The following RALYL variants were observed in gnomAD, a reference collection of about 807,000 sequenced individuals.
The protein encoded by RALYL is RALY RNA binding protein like.
In RALYL, 29 loss-of-function variants were observed where a neutral mutation model predicts 35.1. The ratio of observed to expected loss-of-function variants is 0.83; its 90% CI spans 0.61 to 1.13. The LOEUF is 1.13. RALYL is among the 50% of genes most tolerant of loss of function. The pLI is 0.00. For missense variants in RALYL, 359 were observed against 360.4 expected (o/e 1.00, Z 0.03); for synonymous variants, 120 against 127.6 (o/e 0.94, Z 0.40).
In RALYL at chr8:84,278,122, A is replaced by G. The variant is rs536596565; in HGVS notation, c.-24+93698A>G. Among the ~76,000 whole-genome samples the G allele has an allele frequency of 3.9e-5, 6 of 152,340 alleles. No individual in the cohort carries two copies. In the South Asian group the frequency reaches 1.2e-3, roughly 32 times the overall value. On this transcript the variant is annotated intron_variant, in intron 1 of 8. Coordinates refer to ENST00000521268, the MANE Select transcript of RALYL (RefSeq NM_173848.7). Reference sequence around the variant, plus strand: ...CTGCAGCAAACTTCTGCCTAGACATACAGGAGTTTCCATACATCCTCTGAA... The same window carrying G: ...CTGCAGCAAACTTCTGCCTAGACATGCAGGAGTTTCCATACATCCTCTGAA...
At chr8:84,314,310 A>C (rs1194630393) in intron 1 of RALYL, among the ~76,000 whole-genome samples, 1 of 152,148 alleles carries the variant, frequency 6.6e-6, no homozygotes, top group Non-Finnish European at 1.5e-5. Context: ...CACCATATCA[A>C]TAAGGAAAAA....
chr8:84,288,543 T>A (rs1369419706), intron 1 of RALYL, among the ~76,000 whole-genome samples: 2 of 152,208 alleles, frequency 1.3e-5, no homozygotes, highest in African/African-American at 4.8e-5. Context: ...GTATCTTTTT[T>A]CTGCATTTTT....
intron 1 of RALYL, among the ~76,000 whole-genome samples, chr8:84,527,292 C>A (rs2058972320): frequency 6.6e-6 from 1 of 152,162 alleles, no homozygotes; most frequent in Non-Finnish European, 1.5e-5. Context: ...TCCAAGATAG[C>A]ATGTTGACAT....
intron 1 of RALYL, among the ~76,000 whole-genome samples, chr8:84,328,431 C>T (rs966654385): frequency 2.6e-5 from 4 of 152,158 alleles, no homozygotes; most frequent in Admixed American, 2.0e-4. Context: ...CTGCCTGCTG[C>T]ATTACCTTTG....
At chr8:84,455,120 G>C (rs1007354123) in intron 1 of RALYL, among the ~76,000 whole-genome samples, 1 of 152,028 alleles carries the variant, frequency 6.6e-6, no homozygotes, top group Non-Finnish European at 1.5e-5. Flanking sequence ...TTGGGGAACA[G>C]TTCTGAAGTA....
intron 1 of RALYL, among the ~76,000 whole-genome samples, chr8:84,337,204 C>A (rs1420415918): frequency 6.6e-6 from 1 of 151,740 alleles, no homozygotes; most frequent in Non-Finnish European, 1.5e-5. Context: ...ATATTTGATT[C>A]ATTTCAGTAT....
chr8:84,356,900 AGAG>A (rs1326204501), intron 1 of RALYL, among the ~76,000 whole-genome samples: 468 of 151,996 alleles, frequency 3.1e-3, no homozygotes, highest in African/African-American at 9.3e-3. Context: ...ATAGAATAAT[AGAG>A]TAAATAGTGT....
intron 1 of RALYL, among the ~76,000 whole-genome samples, chr8:84,433,468 C>A (rs964021652): frequency 1.3e-5 from 2 of 152,040 alleles, no homozygotes; most frequent in Non-Finnish European, 2.9e-5. Context: ...TGTCCCCACC[C>A]AAATCTCAAC....
At chr8:84,757,424 G>A (rs554871141) in intron 2 of RALYL, among the ~76,000 whole-genome samples, 22 of 152,164 alleles carry the variant, frequency 1.4e-4, no homozygotes, top group African/African-American at 5.3e-4. Context: ...CAAATTCTTG[G>A]GAAAAAACTG....
chr8:84,423,483 T>A (rs1204157952), intron 1 of RALYL, among the ~76,000 whole-genome samples: 3 of 152,150 alleles, frequency 2.0e-5, no homozygotes. Context: ...AGCACACTGA[T>A]GGATCTTGAC....
At chr8:84,861,012 A>C (rs1837992350) in intron 5 of RALYL, among the ~76,000 whole-genome samples, 1 of 152,078 alleles carries the variant, frequency 6.6e-6, no homozygotes, top group African/African-American at 2.4e-5. Flanking sequence ...TCACATTTTC[A>C]TCTGTATGTA....
At chr8:84,550,651 TATAAC>T (rs2060654326) in intron 2 of RALYL, among the ~76,000 whole-genome samples, 1 of 151,740 alleles carries the variant, frequency 6.6e-6, no homozygotes, top group African/African-American at 2.4e-5. Context: ...AGGCTTATAT[TATAAC>T]AGAAATATGT....
At chr8:84,913,040 G>GTAGGTAGGTAGGTAGATAGA (rs372305617) in intron 8 of RALYL, among the ~76,000 whole-genome samples, 85 of 130,136 alleles carry the variant, frequency 6.5e-4, no homozygotes, top group East Asian at 3.6e-3. Context: ...GGATAGGTAG[G>GTAGGTAGGTAGGTAGATAGA]TAGATAGATA....
At chr8:84,334,196 C>A (rs1044736732) in intron 1 of RALYL, among the ~76,000 whole-genome samples, 1 of 152,086 alleles carries the variant, frequency 6.6e-6, no homozygotes, top group Admixed American at 6.6e-5. Context: ...GTTTTAATAC[C>A]AGGCCGTCTT....
At chr8:84,259,505 A>G (rs1831802554) in intron 1 of RALYL, among the ~76,000 whole-genome samples, 1 of 152,326 alleles carries the variant, frequency 6.6e-6, no homozygotes, top group Non-Finnish European at 1.5e-5. Context: ...CGACTTGAAC[A>G]GGGATACTCA....
At chr8:84,683,231 T>C (rs538701610) in intron 2 of RALYL, among the ~76,000 whole-genome samples, 2 of 152,332 alleles carry the variant, frequency 1.3e-5, no homozygotes, top group Non-Finnish European at 2.9e-5. Flanking sequence ...TTCTGTTCTT[T>C]TGCATTTGCT....
chr8:84,444,315 C>T (rs1563941906), intron 1 of RALYL, among the ~76,000 whole-genome samples: 2 of 151,818 alleles, frequency 1.3e-5, no homozygotes, highest in Non-Finnish European at 2.9e-5. Context: ...AGCAACAGAG[C>T]AAGAGCCTGT....
chr8:84,637,875 G>A (rs1825407218), intron 2 of RALYL, among the ~76,000 whole-genome samples: 1 of 151,862 alleles, frequency 6.6e-6, no homozygotes, highest in South Asian at 2.1e-4. Context: ...TTAAATAAAT[G>A]TGCATGGTTT....
intron 4 of RALYL, among the ~76,000 whole-genome samples, chr8:84,843,896 G>A (rs1833997727): frequency 6.6e-6 from 1 of 152,172 alleles, no homozygotes; most frequent in South Asian, 2.1e-4. Flanking sequence ...AAATGGTGCT[G>A]GGAAAACTGG....
Sources: allele counts gnomAD v4.1 joint callset (sites outside exome capture counted in the v4.1 genomes callset), GRCh38; gene constraint gnomAD v4.1.1; transcripts MANE v1.5; gene names NCBI Gene and HGNC (gene_info 2026-07-23, HGNC 2026-07-21).